MYO1E: variants seen among roughly 807,000 people sequenced by gnomAD.
MYO1E encodes the protein unconventional myosin-Ie.
MYO1E carries 68 observed loss-of-function variants against 151.1 expected under a neutral mutation model. The ratio of observed to expected loss-of-function variants is 0.45; its 90% CI spans 0.37 to 0.55. The LOEUF is 0.55. Among genes scored for constraint, MYO1E ranks in the 20% least tolerant of loss-of-function variants. The probability of loss-of-function intolerance (pLI) is 0.00; values close to 1 mark genes in which losing one functional copy is unlikely to be tolerated. For missense variants in MYO1E, 1,363 were observed against 1,389.3 expected, an observed-to-expected ratio of 0.98 and a Z score of 0.30; for synonymous variants, 601 against 501.7, an observed-to-expected ratio of 1.20 and a Z score of -2.64.
chr15:59,242,329 C>T (rs1043342587), intron 4 of MYO1E, among the ~76,000 whole-genome samples: 1 of 152,150 alleles, frequency 6.6e-6, no homozygotes, highest in Non-Finnish European at 1.5e-5. Context: ...GAACATATAA[C>T]TGTGCCAAAA....
Position 59,163,242 on chromosome 15 carries a change from C to T in MYO1E, c.2542G>A (p.Val848Ile). ...EQEYDSLLESVFKTEFLSLLA... is the reference protein window; with the variant it reads ...EQEYDSLLESIFKTEFLSLLA... ...AGGCTTAGGAATTCAGTTTTGAAGA[C>T]AGATTCAAGCAAACTGTCATACTCT... The change falls in exon 23 of 28, where the codon GTC becomes ATC. Residue 848 changes from valine to isoleucine, a missense_variant. Physicochemically the swap from Val to Ile is conservative, Grantham distance 29 (BLOSUM62 3). Transcript: ENST00000288235. 6.2e-7 allele frequency: 1 copy of T among 1,613,984 alleles called. No homozygotes were observed. The highest frequency in any genetic ancestry group is 1.3e-5 in the African/African-American group (1 of 75,056).
chr15:59,254,790 A>G (rs2080184724), intron 4 of MYO1E, among the ~76,000 whole-genome samples: 1 of 152,114 alleles, frequency 6.6e-6, no homozygotes, highest in South Asian at 2.1e-4. Flanking sequence ...GGATGCTTAT[A>G]CTTTCTAGTG....
chr15:59,181,401 G>A (rs2079657625), intron 18 of MYO1E, among the ~76,000 whole-genome samples: 1 of 152,182 alleles, frequency 6.6e-6, no homozygotes, highest in Non-Finnish European at 1.5e-5. Context: ...AGCTCAGAGA[G>A]GTGTTTTCTG....
chr15:59,251,875 C>T (rs2080166972), intron 4 of MYO1E, among the ~76,000 whole-genome samples: 1 of 152,132 alleles, frequency 6.6e-6, no homozygotes, highest in African/African-American at 2.4e-5. Flanking sequence ...TTATGAAACC[C>T]AGTATTTTGA....
In MYO1E at chr15:59,346,076, ATT is replaced by A. The variant is rs772147503; in HGVS notation, c.3+26420_3+26421del. 5.3e-4 allele frequency among the ~76,000 whole-genome samples: 80 copies of A among 152,084 alleles called. 2 individuals are homozygous for A. The highest frequency in any genetic ancestry group is 1.0e-4 in the Non-Finnish European group (7 of 68,018). On this transcript the variant is annotated intron_variant, in intron 1 of 27. Transcript: ENST00000288235. ...GAATTACTTGATTCCTGGAATCAAC[ATT>A]TTTTCCTTCTGAGATTGTAAGCAAA...
At chr15:59,148,626 T>G (rs774562423) in intron 26 of MYO1E, among the ~76,000 whole-genome samples, 1 of 152,144 alleles carries the variant, frequency 6.6e-6, no homozygotes, top group African/African-American at 2.4e-5. Context: ...GCTGCTCCCA[T>G]AGATTATGGG....
chr15:59,140,518 G>C (rs2079402719), intron 26 of MYO1E, among the ~76,000 whole-genome samples: 1 of 152,216 alleles, frequency 6.6e-6, no homozygotes, highest in South Asian at 2.1e-4. Flanking sequence ...AGTTGGGCTG[G>C]ACCTCAACAG....
At chr15:59,249,289 G>C (rs777121691) in intron 4 of MYO1E, among the ~76,000 whole-genome samples, 1 of 152,104 alleles carries the variant, frequency 6.6e-6, no homozygotes, top group Non-Finnish European at 1.5e-5. Flanking sequence ...GCTGGGTGTG[G>C]TGGCAGGTGC....
intron 18 of MYO1E, among the ~76,000 whole-genome samples, chr15:59,183,150 C>G (rs1596355608): frequency 1.6e-5 from 1 of 60,728 alleles, no homozygotes; most frequent in Non-Finnish European, 3.3e-5. Flanking sequence ...AGTTGGGGAC[C>G]CCTGCCTTAG....
chr15:59,224,538 C>G, intron 8 of MYO1E, 151 bp downstream of exon 8: 1 of 1,059,978 alleles, frequency 9.4e-7, no homozygotes, highest in Non-Finnish European at 1.4e-6. Flanking sequence ...TTTAAGGATA[C>G]TGAAACATGT....
At chr15:59,254,375 A>C (rs1316954775) in intron 4 of MYO1E, among the ~76,000 whole-genome samples, 1 of 152,090 alleles carries the variant, frequency 6.6e-6, no homozygotes, top group African/African-American at 2.4e-5. Context: ...TTTTTTATGG[A>C]GACAGGGTTT....
chr15:59,200,049 G>C (rs558151650), intron 16 of MYO1E, among the ~76,000 whole-genome samples: 1 of 152,106 alleles, frequency 6.6e-6, no homozygotes, highest in Non-Finnish European at 1.5e-5. Flanking sequence ...CCTGAGACTT[G>C]TAAACCTAAA....
chr15:59,257,406 C>T (rs115784339), intron 3 of MYO1E, among the ~76,000 whole-genome samples: 1,583 of 152,210 alleles, frequency 0.01, 33 homozygotes, highest in African/African-American at 0.036. Context: ...AGTTGGAGGA[C>T]GCAGTGAGCT....
At chr15:59,344,647 G>A (rs2080783944) in intron 1 of MYO1E, among the ~76,000 whole-genome samples, 1 of 152,198 alleles carries the variant, frequency 6.6e-6, no homozygotes, top group Non-Finnish European at 1.5e-5. Context: ...AGGGTCTGGA[G>A]TCAGAAATGT....
rs1596337168 is a variant in MYO1E, at chr15:59,137,120, CAATA to C, written c.*256_*259del. 6 of 517,856 alleles carry C rather than the reference CAATA, an allele frequency of 1.2e-5. No homozygotes were observed. The East Asian group carries it at 2.1e-4, about 18-fold the overall frequency. The allele number at this position is 517,856 out of a possible 1,614,324, so 32.1% of individuals were successfully genotyped here. A position where few individuals can be genotyped will look rare whatever the true frequency, so the allele number is the denominator to read the frequency against. On this transcript the variant is annotated 3_prime_UTR_variant, in exon 28 of 28. Coordinates refer to ENST00000288235, the MANE Select transcript of MYO1E (RefSeq NM_004998.4). ...CTTGTCCTCTCACCAGGTTTAAATA[CAATA>C]AATAAATCTTAATGCATGGTGGTTT...
intron 26 of MYO1E, among the ~76,000 whole-genome samples, chr15:59,150,927 AT>A (rs1245139351): frequency 2.6e-5 from 4 of 151,934 alleles, no homozygotes; most frequent in East Asian, 1.9e-4. Context: ...GACCAAGCCA[AT>A]CACGTGAACC....
chr15:59,337,914 G>A (rs1247427460), intron 1 of MYO1E, among the ~76,000 whole-genome samples: 2 of 152,152 alleles, frequency 1.3e-5, no homozygotes, highest in African/African-American at 4.8e-5. Context: ...ACTCAATAAG[G>A]CAAATCACTT....
chr15:59,351,910 A>G (rs1371956457), intron 1 of MYO1E, among the ~76,000 whole-genome samples: 13 of 152,280 alleles, frequency 8.5e-5, no homozygotes, highest in Admixed American at 8.5e-4. Flanking sequence ...GCTCTTTTCA[A>G]TGCCCTTCTC....
intron 1 of MYO1E, among the ~76,000 whole-genome samples, chr15:59,323,005 CA>C (rs10569331): frequency 0.21 from 27,403 of 129,436 alleles, 2,712 homozygotes; most frequent in East Asian, 0.41. Flanking sequence ...ACTAAAAATA[CA>C]AAAAAAAAAA....
Sources: gnomAD v4.1 joint callset for allele counts (sites outside exome capture counted in the v4.1 genomes callset) on GRCh38, gnomAD v4.1.1 for gene constraint, MANE v1.5 for transcripts, NCBI Gene and HGNC (gene_info 2026-07-23, HGNC 2026-07-21) for gene names.